The following BRAF variants were observed in gnomAD, a reference collection of about 807,000 sequenced individuals.
The protein encoded by BRAF is B-Raf proto-oncogene, serine/threonine kinase.
BRAF carries 16 observed loss-of-function variants against 104.6 expected under a neutral mutation model. The observed-to-expected ratio is 0.15, with a 90% confidence interval of 0.10 to 0.23. The LOEUF (loss-of-function observed/expected upper bound fraction) is 0.23, where lower values mean the gene tolerates loss of function less well. BRAF is among the 10% of genes least tolerant of loss of function. The probability of loss-of-function intolerance (pLI) is 1.00; values close to 1 mark genes in which losing one functional copy is unlikely to be tolerated. For synonymous variants in BRAF, 310 were observed against 341.6 expected, an observed-to-expected ratio of 0.91 and a Z score of 1.02; for missense variants, 541 against 937.3, an observed-to-expected ratio of 0.58 and a Z score of 5.52.
intron 14 of BRAF, among the ~76,000 whole-genome samples, chr7:140,771,947 T>C (rs1203126063): frequency 1.3e-5 from 2 of 152,088 alleles, no homozygotes; most frequent in East Asian, 1.9e-4. Flanking sequence ...TAACTGGGAA[T>C]AGCTTCTGGA....
intron 10 of BRAF, among the ~76,000 whole-genome samples, chr7:140,785,105 T>A (rs988259160): frequency 3.9e-5 from 6 of 152,188 alleles, no homozygotes; most frequent in Admixed American, 6.5e-5. Context: ...AAATATGTTA[T>A]AAATCTTTTT....
intron 11 of BRAF, 96 bp downstream of exon 10, chr7:140,782,925 C>T: frequency 1.4e-6 from 2 of 1,408,182 alleles, no homozygotes; most frequent in Non-Finnish European, 2.0e-6. Context: ...TTCTGTGTCA[C>T]ATATGGACAT....
At position 140,794,263 on chromosome 7, in the gene BRAF, T is replaced by C. The variant is rs201012020; in HGVS notation, c.1140+45A>G. The C allele has an allele frequency of 2.3e-4, 371 of 1,601,198 alleles. No homozygotes were observed. In the African/African-American group the frequency reaches 4.7e-3, roughly 20 times the overall value. On this transcript the variant is annotated intron_variant, in intron 8 of 19. Transcript: ENST00000644969. ...TATAATTATAGCAGAAAAATAAAGA[T>C]ACATACTTGGTTTTTTTTTAGTTCT...
chr7:140,913,469 C>CTTTTT lies in BRAF; in HGVS notation c.138+11092_138+11096dup, dbSNP rs369746551. ...ATGACAAAGCAAATGTTAATCACAG[C>CTTTTT]TTTTTTTTTTTTTTTTTTTTTTTTT... On this transcript the variant is annotated intron_variant, in intron 1 of 19. Coordinates refer to ENST00000644969, the MANE Select transcript of BRAF (RefSeq NM_001374258.1). Among the ~76,000 whole-genome samples the CTTTTT allele has an allele frequency of 5.7e-3, 326 of 57,030 alleles. 42 individuals are homozygous for CTTTTT. Among genetic ancestry groups the CTTTTT allele is most frequent in the Admixed American group, 9.1e-3 (29 of 3,180 alleles). The allele number at this position is 57,030 out of a possible 152,430, so 37.4% of individuals were successfully genotyped here.
intron 1 of BRAF, among the ~76,000 whole-genome samples, chr7:140,888,133 A>C (rs1039667619): frequency 3.3e-5 from 5 of 152,294 alleles, no homozygotes; most frequent in Admixed American, 6.5e-5. Flanking sequence ...TCGGCCTTCC[A>C]AAGTGCTGGG....
In BRAF at chr7:140,763,147, C is replaced by T. The variant is rs550462135; in HGVS notation, c.1815-8914G>A. Among the ~76,000 whole-genome samples the T allele has an allele frequency of 1.8e-4, 28 of 152,294 alleles. No individual in the cohort carries two copies. The South Asian group carries it at 2.1e-3, about 11-fold the overall frequency. On this transcript the variant is annotated intron_variant, in intron 14 of 19. Coordinates refer to ENST00000644969, the MANE Select transcript of BRAF (RefSeq NM_001374258.1). ...GTACACCTCCCAGACGGGGTGGTGG[C>T]CGGGCAGAGGGGCTCCTCACTTCCC...
At chr7:140,766,031 C>T (rs2129010770) in intron 14 of BRAF, among the ~76,000 whole-genome samples, 1 of 151,564 alleles carries the variant, frequency 6.6e-6, no homozygotes, top group East Asian at 1.9e-4. Context: ...TTCACAATAG[C>T]AAAGACTTGG....
At chr7:140,849,818 AAAT>A (rs1464587109) in intron 2 of BRAF, among the ~76,000 whole-genome samples, 1 of 136,290 alleles carries the variant, frequency 7.3e-6, no homozygotes, top group Non-Finnish European at 1.7e-5. Flanking sequence ...TCTCAAAAAA[AAAT>A]AAATAAATAA....
chr7:140,756,634 T>C (rs1798227825), intron 14 of BRAF, among the ~76,000 whole-genome samples: 1 of 152,184 alleles, frequency 6.6e-6, no homozygotes, highest in South Asian at 2.1e-4. Context: ...CAACTTTACT[T>C]TGCCATATAT....
At chr7:140,840,270 C>A (rs1191279055) in intron 2 of BRAF, among the ~76,000 whole-genome samples, 1 of 152,150 alleles carries the variant, frequency 6.6e-6, no homozygotes, top group Admixed American at 6.5e-5. Flanking sequence ...TCATCCTGAC[C>A]TTTGATTAGG....
At chr7:140,923,662 A>AT (rs550976060) in intron 1 of BRAF, among the ~76,000 whole-genome samples, 10 of 152,240 alleles carry the variant, frequency 6.6e-5, no homozygotes, top group Non-Finnish European at 1.3e-4. Context: ...ACCTGATGGA[A>AT]TCTTGACAGC....
intron 5 of BRAF, among the ~76,000 whole-genome samples, chr7:140,805,855 T>G (rs941511796): frequency 4.6e-5 from 7 of 152,164 alleles, no homozygotes; most frequent in Admixed American, 2.0e-4. Flanking sequence ...CCAAGAACAC[T>G]TTTCCTTTCT....
intron 1 of BRAF, among the ~76,000 whole-genome samples, chr7:140,874,636 T>G (rs954214817): frequency 1.3e-5 from 2 of 150,094 alleles, no homozygotes; most frequent in African/African-American, 4.9e-5. Context: ...GCGGCAACAA[T>G]AGGATCTTCA....
chr7:140,820,933 A>G (rs77295555), intron 3 of BRAF, among the ~76,000 whole-genome samples: 8,617 of 152,276 alleles, frequency 0.057, 290 homozygotes, highest in South Asian at 0.11. Flanking sequence ...TCAAAAAATA[A>G]AATTAAAAAT....
At chr7:140,916,695 T>C (rs1586649861) in intron 1 of BRAF, among the ~76,000 whole-genome samples, 1 of 152,216 alleles carries the variant, frequency 6.6e-6, no homozygotes, top group Admixed American at 6.5e-5. Flanking sequence ...ACCTGTCACT[T>C]TTCATGAACC....
chr7:140,864,275 A>T (rs1017328998), intron 1 of BRAF, among the ~76,000 whole-genome samples: 2 of 152,216 alleles, frequency 1.3e-5, no homozygotes, highest in South Asian at 2.1e-4. Flanking sequence ...AGGTGAAAAC[A>T]GTGGAGATAG....
At chr7:140,831,947 T>A (rs1474928584) in intron 3 of BRAF, among the ~76,000 whole-genome samples, 2 of 152,188 alleles carry the variant, frequency 1.3e-5, no homozygotes, top group Non-Finnish European at 2.9e-5. Flanking sequence ...TCATCAGGAT[T>A]TTGCTAAGAA....
At chr7:140,800,719 A>G (rs898359363) in intron 6 of BRAF, among the ~76,000 whole-genome samples, 1 of 152,244 alleles carries the variant, frequency 6.6e-6, no homozygotes, top group African/African-American at 2.4e-5. Context: ...ACATACTACA[A>G]GATGAAAATC....
rs571344318 is a variant in BRAF at position 140,849,259 on chromosome 7, T to C, written c.240+852A>G. 6.6e-5 allele frequency among the ~76,000 whole-genome samples: 10 copies of C among 152,286 alleles called. No individual in the cohort carries two copies. In the East Asian group the frequency reaches 9.6e-4, roughly 15 times the overall value. On this transcript the variant is annotated intron_variant, in intron 2 of 19. Coordinates refer to ENST00000644969, the MANE Select transcript of BRAF (RefSeq NM_001374258.1). Reference sequence around the variant, plus strand: ...TGCTAAGAAAGCTCATCTGTGATTATAACAGCACCTACTAACTCATAGGAT... The same window carrying C: ...TGCTAAGAAAGCTCATCTGTGATTACAACAGCACCTACTAACTCATAGGAT...
Sources: gnomAD v4.1 joint callset for allele counts (sites outside exome capture counted in the v4.1 genomes callset) on GRCh38, gnomAD v4.1.1 for gene constraint, MANE v1.5 for transcripts, NCBI Gene and HGNC (gene_info 2026-07-23, HGNC 2026-07-21) for gene names.